The following RARRES1 variants were observed in gnomAD, a reference collection of about 807,000 sequenced individuals.
RARRES1 encodes the protein retinoic acid receptor responder 1.
A neutral mutation model predicts 30.6 loss-of-function variants in RARRES1; 34 were observed. The observed-to-expected ratio is 1.11, with a 90% CI of 0.84 to 1.48. RARRES1 has a LOEUF of 1.48. Ranked by LOEUF, RARRES1 falls within the 40% of genes most tolerant of loss-of-function variation. The pLI, the probability that RARRES1 is intolerant of heterozygous loss-of-function variation, is 0.00. For synonymous variants in RARRES1, 153 were observed against 155.5 expected (o/e 0.98, Z 0.12); for missense variants, 373 against 386.5 (o/e 0.97, Z 0.29).
At chr3:158,726,205 A>G (rs375202357) in intron 1 of RARRES1, among the ~76,000 whole-genome samples, 5 of 152,168 alleles carry the variant, frequency 3.3e-5, no homozygotes, top group Non-Finnish European at 7.3e-5. Context: ...TCAATGGACA[A>G]TTTAATGTTT....
chr3:158,706,545 G>C (rs976488161), intron 3 of RARRES1, among the ~76,000 whole-genome samples: 2 of 152,226 alleles, frequency 1.3e-5, no homozygotes, highest in Non-Finnish European at 2.9e-5. Context: ...AACTGCAGTT[G>C]AGTAGTAAGT....
intron 3 of RARRES1, among the ~76,000 whole-genome samples, chr3:158,707,195 TAAATC>T (rs1311121534): frequency 1.3e-5 from 2 of 151,630 alleles, no homozygotes; most frequent in South Asian, 2.1e-4. Context: ...AAACTACAGA[TAAATC>T]AAGAAGGATA....
chr3:158,699,434 A>ACCCCCCCCC (rs139216148), intron 4 of RARRES1, among the ~76,000 whole-genome samples: 3 of 137,766 alleles, frequency 2.2e-5, no homozygotes, highest in African/African-American at 8.3e-5. Flanking sequence ...CAAAAAAGCA[A>ACCCCCCCCC]CCCCCCCCCC....
intron 3 of RARRES1, among the ~76,000 whole-genome samples, chr3:158,706,041 C>A (rs1726914176): frequency 6.6e-6 from 1 of 152,156 alleles, no homozygotes; most frequent in Non-Finnish European, 1.5e-5. Context: ...TAGCACAGTA[C>A]ATGAGGAATA....
At chr3:158,710,184 A>G (rs1357600622) in intron 3 of RARRES1, among the ~76,000 whole-genome samples, 1 of 150,508 alleles carries the variant, frequency 6.6e-6, no homozygotes, top group African/African-American at 2.4e-5. Flanking sequence ...TGTGCCCCTC[A>G]TTCTGGGATG....
At chr3:158,721,707 C>T (rs17699997) in intron 1 of RARRES1, among the ~76,000 whole-genome samples, 28,693 of 152,048 alleles carry the variant, frequency 0.19, 2,841 homozygotes, top group Non-Finnish European at 0.23. Flanking sequence ...GTTATGATAC[C>T]TTAGAAAGTG....
At chr3:158,700,900 C>T (rs1433509443) in intron 4 of RARRES1, among the ~76,000 whole-genome samples, 2 of 152,108 alleles carry the variant, frequency 1.3e-5, no homozygotes, top group Non-Finnish European at 2.9e-5. Flanking sequence ...GCCCCTCCAC[C>T]CTGCTTCCCC....
chr3:158,728,886 C>T (rs1009382545), intron 1 of RARRES1, among the ~76,000 whole-genome samples: 5 of 152,154 alleles, frequency 3.3e-5, no homozygotes, highest in African/African-American at 1.2e-4. Context: ...TTTCTTATGA[C>T]TACACTGAAA....
chr3:158,697,595 A>G lies in RARRES1; in HGVS notation c.*83T>C, dbSNP rs534964533. On this transcript the variant is annotated 3_prime_UTR_variant, in exon 6 of 6. Coordinates refer to ENST00000237696, the MANE Select transcript of RARRES1 (RefSeq NM_206963.2). ...GTTTTCCCAAATTATTAGAATGTCTATACCTTAGCTGTTTTACTAGAAGAA... is the reference window on the plus strand; with the variant it reads ...GTTTTCCCAAATTATTAGAATGTCTGTACCTTAGCTGTTTTACTAGAAGAA... 8.6e-5 allele frequency: 118 copies of G among 1,377,156 alleles called. No individual in the cohort carries two copies. In the East Asian group the frequency reaches 1.3e-3, roughly 15 times the overall value. 85.3% of individuals were successfully genotyped at this position (1,377,156 alleles called of 1,614,324 possible). A position where few individuals can be genotyped will look rare whatever the true frequency, so the allele number is the denominator to read the frequency against.
At chr3:158,721,889 C>A (rs1158518665) in intron 1 of RARRES1, among the ~76,000 whole-genome samples, 2 of 151,926 alleles carry the variant, frequency 1.3e-5, no homozygotes, top group African/African-American at 4.8e-5. Context: ...GTCGAGTGTT[C>A]GAGACCAGCC....
At chr3:158,729,121 T>C (rs1212176076) in intron 1 of RARRES1, among the ~76,000 whole-genome samples, 2 of 152,140 alleles carry the variant, frequency 1.3e-5, no homozygotes, top group Non-Finnish European at 2.9e-5. Flanking sequence ...TCATATCTTA[T>C]ATGACTCCTT....
intron 3 of RARRES1, among the ~76,000 whole-genome samples, chr3:158,709,591 A>G (rs868494375): frequency 6.6e-6 from 1 of 152,190 alleles, no homozygotes; most frequent in Non-Finnish European, 1.5e-5. Flanking sequence ...TTTTAAGGAC[A>G]TTTAGTCTCA....
intron 3 of RARRES1, among the ~76,000 whole-genome samples, chr3:158,706,248 A>G (rs1052953666): frequency 6.6e-6 from 1 of 152,198 alleles, no homozygotes; most frequent in Non-Finnish European, 1.5e-5. Context: ...TATAGTTGAT[A>G]CATTCCTTAA....
intron 1 of RARRES1, among the ~76,000 whole-genome samples, chr3:158,714,788 A>G (rs1727269311): frequency 6.6e-6 from 1 of 152,246 alleles, no homozygotes; most frequent in Non-Finnish European, 1.5e-5. Context: ...TTGCTGTTGT[A>G]TAGAGCTGAA....
chr3:158,725,201 G>A (rs1702333630), intron 1 of RARRES1, among the ~76,000 whole-genome samples: 2 of 152,144 alleles, frequency 1.3e-5, no homozygotes, highest in African/African-American at 4.8e-5. Context: ...GAGTGGATTT[G>A]TTATGGCTAC....
intron 1 of RARRES1, among the ~76,000 whole-genome samples, chr3:158,727,957 A>C (rs1727743618): frequency 6.6e-6 from 1 of 152,242 alleles, no homozygotes; most frequent in African/African-American, 2.4e-5. Flanking sequence ...AGAGGGCAAC[A>C]GTATTTTTAA....
chr3:158,715,688 CA>C (rs1727299575), intron 1 of RARRES1, among the ~76,000 whole-genome samples: 1 of 152,150 alleles, frequency 6.6e-6, no homozygotes. Context: ...CTGGGCTAAA[CA>C]CAAGAGACTG....
chr3:158,697,888 C>T lies in RARRES1; in HGVS notation c.735+20G>A. ...AAAACTTATGGTAAAAACAATTCTA[C>T]ATACAATGTTATGTTTTACCTGTGT... On this transcript the variant is annotated intron_variant, in intron 5 of 5. Transcript: ENST00000237696. The T allele has an allele frequency of 4.5e-6, 7 of 1,560,482 alleles. No individual in the cohort carries two copies. Among genetic ancestry groups the T allele is most frequent in the Non-Finnish European group, 5.3e-6 (6 of 1,133,202 alleles).
At chr3:158,713,680 A>G in intron 2 of RARRES1, 117 bp downstream of exon 2, 1 of 987,350 alleles carries the variant, frequency 1.0e-6, no homozygotes, top group Non-Finnish European at 1.5e-6. Context: ...TAGGAAACAG[A>G]TCAGGAAAAA....
Sources: gnomAD v4.1 joint callset for allele counts (sites outside exome capture counted in the v4.1 genomes callset) on GRCh38, gnomAD v4.1.1 for gene constraint, MANE v1.5 for transcripts, NCBI Gene and HGNC (gene_info 2026-07-23, HGNC 2026-07-21) for gene names.